The following TLN2 variants were observed in gnomAD, a reference collection of about 807,000 sequenced individuals.
TLN2 encodes talin-2.
TLN2 carries 118 observed loss-of-function variants against 294.7 expected under a neutral mutation model. The ratio of observed to expected loss-of-function variants is 0.40; its 90% CI spans 0.34 to 0.47. The LOEUF is 0.47. TLN2 is among the 20% of genes least tolerant of loss of function. The pLI is 0.84. For synonymous variants in TLN2, 1,431 were observed against 1,304.5 expected (o/e 1.10, Z -2.09); for missense variants, 3,083 against 3,282.2 (o/e 0.94, Z 1.48).
intron 37 of TLN2, 49 bp downstream of exon 37, chr15:62,755,742 G>C (rs1364532438): frequency 6.2e-7 from 1 of 1,600,652 alleles, no homozygotes; most frequent in East Asian, 2.2e-5. Context: ...CTCCTGTTCT[G>C]GCGGGGGAAG....
At chr15:62,443,614 A>G (rs1264699618) in intron 1 of TLN2, among the ~76,000 whole-genome samples, 1 of 152,238 alleles carries the variant, frequency 6.6e-6, no homozygotes, top group East Asian at 1.9e-4. Flanking sequence ...GAAAGAGATT[A>G]GATGAGAGTA....
At chr15:62,596,138 G>A (rs759715165) in intron 2 of TLN2, among the ~76,000 whole-genome samples, 7 of 151,836 alleles carry the variant, frequency 4.6e-5, no homozygotes, top group South Asian at 2.1e-4. Flanking sequence ...AGTGGCAGGC[G>A]CCTGTAGTCC....
At chr15:62,825,801 T>TATTATATA (rs1212160568) in intron 54 of TLN2, among the ~76,000 whole-genome samples, 1 of 10,872 alleles carries the variant, frequency 9.2e-5, no homozygotes, top group African/African-American at 2.9e-4. Context: ...ATAATATATA[T>TATTATATA]TATATATTAT....
chr15:62,530,306 A>G (rs1225043271), intron 1 of TLN2, among the ~76,000 whole-genome samples: 1 of 151,658 alleles, frequency 6.6e-6, no homozygotes, highest in African/African-American at 2.4e-5. Context: ...GGTCAAAGGA[A>G]TATAAATGTA....
chr15:62,734,336 A>G (rs1026878093), intron 28 of TLN2, among the ~76,000 whole-genome samples: 2 of 152,232 alleles, frequency 1.3e-5, no homozygotes, highest in Non-Finnish European at 2.9e-5. Context: ...GGAGAGGTCT[A>G]GAAATCACAG....
intron 1 of TLN2, among the ~76,000 whole-genome samples, chr15:62,399,142 G>C (rs2032801448): frequency 6.7e-6 from 1 of 149,718 alleles, no homozygotes. Context: ...CAGGCGTGCA[G>C]AAGACAAGAA....
rs751399253 is a variant in TLN2 at position 62,797,377 on chromosome 15, T to C, written c.6209T>C (p.Leu2070Pro). ...AEVVKLGAASLGSDDPETQVV... is the reference protein window; with the variant it reads ...AEVVKLGAASPGSDDPETQVV... ...GTGGTCAAGCTGGGGGCAGCCAGCCTGGGCTCCGACGACCCCGAGACCCAG... is the reference window on the plus strand; with the variant it reads ...GTGGTCAAGCTGGGGGCAGCCAGCCCGGGCTCCGACGACCCCGAGACCCAG... The change falls in exon 48 of 59, where the codon CTG becomes CCG. Residue 2070 changes from leucine (L) to proline (P), a missense_variant. Leu to Pro is a moderately conservative substitution (Grantham distance 98). Coordinates refer to ENST00000636159, the MANE Select transcript of TLN2 (RefSeq NM_015059.3). 6.2e-7 allele frequency: 1 copy of C among 1,605,998 alleles called. No individual in the cohort carries two copies. The highest frequency in any genetic ancestry group is 8.5e-7 in the Non-Finnish European group (1 of 1,176,618).
At chr15:62,524,446 G>T (rs1052668668) in intron 1 of TLN2, among the ~76,000 whole-genome samples, 1 of 152,156 alleles carries the variant, frequency 6.6e-6, no homozygotes, top group South Asian at 2.1e-4. Flanking sequence ...CTGAGACAGC[G>T]TGCTGTAGAG....
At position 62,568,307 on chromosome 15, in the gene TLN2, C is replaced by A. The variant is rs535994099; in HGVS notation, c.-237-21380C>A. Among the ~76,000 whole-genome samples the A allele has an allele frequency of 2.8e-4, 42 of 152,274 alleles. 1 individual carries two copies. The South Asian group carries it at 8.5e-3, about 31-fold the overall frequency. On this transcript the variant is annotated intron_variant, in intron 1 of 58. Transcript: ENST00000636159. ...AGAGGTGGAAGATTTGACTCTCCAT[C>A]GTGGCCCTGGTTTCACCACTGAGTG...
At chr15:62,599,755 T>C (rs62006723) in intron 2 of TLN2, among the ~76,000 whole-genome samples, 1,609 of 152,266 alleles carry the variant, frequency 0.011, 18 homozygotes, top group Middle Eastern at 0.027. Flanking sequence ...GGATGCTTGG[T>C]TCATTTGCCT....
chr15:62,781,028 G>A (rs1162223930), intron 43 of TLN2, 112 bp from the exon 44 acceptor site: 15 of 765,728 alleles, frequency 2.0e-5, no homozygotes, highest in South Asian at 3.5e-5. Flanking sequence ...GACACTGGGC[G>A]AAAGAATCTC....
At chr15:62,511,053 C>G (rs1384209680) in intron 1 of TLN2, among the ~76,000 whole-genome samples, 1 of 152,228 alleles carries the variant, frequency 6.6e-6, no homozygotes, top group African/African-American at 2.4e-5. Context: ...ATGCTAGGCT[C>G]TACAGCTAAG....
chr15:62,781,854 T>G (rs2064201988), intron 44 of TLN2, among the ~76,000 whole-genome samples: 1 of 152,228 alleles, frequency 6.6e-6, no homozygotes, highest in East Asian at 1.9e-4. Flanking sequence ...TTTTCTAAAA[T>G]GTAATGCAAC....
chr15:62,603,477 G>C (rs907984151), intron 2 of TLN2, among the ~76,000 whole-genome samples: 2 of 152,054 alleles, frequency 1.3e-5, no homozygotes, highest in East Asian at 1.9e-4. Context: ...TTGTGTATCT[G>C]CCTCTTCCTC....
chr15:62,585,996 T>C (rs2045568858), intron 1 of TLN2, among the ~76,000 whole-genome samples: 2 of 151,722 alleles, frequency 1.3e-5, no homozygotes, highest in Non-Finnish European at 2.9e-5. Context: ...GCCCTTGGCA[T>C]TATTACAGAA....
chr15:62,601,029 C>T (rs2046958388), intron 2 of TLN2, among the ~76,000 whole-genome samples: 2 of 152,172 alleles, frequency 1.3e-5, no homozygotes, highest in African/African-American at 4.8e-5. Flanking sequence ...TAATATGTCT[C>T]TAATATTTTC....
intron 50 of TLN2, among the ~76,000 whole-genome samples, chr15:62,804,052 G>A (rs2066111058): frequency 6.6e-6 from 1 of 152,158 alleles, no homozygotes; most frequent in Admixed American, 6.5e-5. Flanking sequence ...GTACCATCTT[G>A]ATGGTCTTGG....
intron 9 of TLN2, among the ~76,000 whole-genome samples, chr15:62,670,601 C>G (rs973614395): frequency 2.6e-5 from 4 of 152,296 alleles, no homozygotes; most frequent in Admixed American, 6.5e-5. Context: ...TTTGTGACTG[C>G]CTTCTTTCCC....
chr15:62,489,503 CTTTA>C (rs1423365823), intron 1 of TLN2, among the ~76,000 whole-genome samples: 4 of 152,142 alleles, frequency 2.6e-5, no homozygotes, highest in Non-Finnish European at 5.9e-5. Flanking sequence ...TGGATCCTGA[CTTTA>C]TTTTTTAACA....
Sources: gnomAD v4.1 joint callset for allele counts (sites outside exome capture counted in the v4.1 genomes callset) on GRCh38, gnomAD v4.1.1 for gene constraint, MANE v1.5 for transcripts, NCBI Gene and HGNC (gene_info 2026-07-23, HGNC 2026-07-21) for gene names.